NINL: variants seen among roughly 807,000 people sequenced by gnomAD.
NINL encodes the protein ninein like.
In NINL, 153 loss-of-function variants were observed where a neutral mutation model predicts 160.3. The ratio of observed to expected loss-of-function variants is 0.95; its 90% CI spans 0.84 to 1.09. The LOEUF is 1.09. Among genes scored for constraint, NINL ranks in the 50% least tolerant of loss-of-function variants. NINL has a pLI of 0.00. For missense variants in NINL, 1,829 were observed against 1,764.0 expected, an observed-to-expected ratio of 1.04 and a Z score of -0.66; for synonymous variants, 800 against 734.8, an observed-to-expected ratio of 1.09 and a Z score of -1.43.
chr20:25,498,138 G>C, intron 9 of NINL, 72 bp downstream of exon 9: 1 of 1,571,076 alleles, frequency 6.4e-7, no homozygotes, highest in Middle Eastern at 2.3e-4. Flanking sequence ...TGTCCTTTGT[G>C]TCCCAGACCC....
chr20:25,512,783 T>C, intron 4 of NINL, 51 bp downstream of exon 4: 2 of 1,536,790 alleles, frequency 1.3e-6, no homozygotes, highest in Non-Finnish European at 1.8e-6. Context: ...AAGGGAAGCA[T>C]TTGTTATTCC....
intron 1 of NINL, among the ~76,000 whole-genome samples, chr20:25,564,960 A>G (rs2147148769): frequency 6.6e-6 from 1 of 152,330 alleles, no homozygotes; most frequent in East Asian, 1.9e-4. Context: ...AATAACTGGT[A>G]AAAACACATG....
At chr20:25,542,087 G>A (rs529074857) in intron 1 of NINL, among the ~76,000 whole-genome samples, 26 of 152,238 alleles carry the variant, frequency 1.7e-4, no homozygotes, top group Admixed American at 1.1e-3. Context: ...CTCCTGGGGT[G>A]TCTGGCTGGT....
intron 12 of NINL, 142 bp from the exon 13 acceptor site, chr20:25,489,466 T>A: frequency 1.5e-6 from 1 of 688,106 alleles, no homozygotes; most frequent in South Asian, 1.6e-5. Context: ...CCATCCCCCC[T>A]CCTTCTCCTT....
rs373855398 is a variant in NINL, at chr20:25,479,126, C to A, written c.1998G>T (p.Arg666Ser). Reference protein sequence around the residue: ...KERKDMEQARRREVSVLEGQK... With the variant: ...KERKDMEQARSREVSVLEGQK... ...GACCCTCCAGCACGCTGACCTCGCG[C>A]CTGCGAGCCTGCTCCATGTCCTTCC... The change falls in exon 16 of 24, where the codon AGG (arginine) becomes AGT (serine). Residue 666 changes from arginine to serine, a missense_variant. Coordinates refer to ENST00000278886, the MANE Select transcript of NINL (RefSeq NM_025176.6). 1.9e-6 allele frequency: 3 copies of A among 1,613,934 alleles called. No individual in the cohort carries two copies. Among genetic ancestry groups the A allele is most frequent in the Non-Finnish European group, 2.5e-6 (3 of 1,180,022 alleles).
intron 1 of NINL, among the ~76,000 whole-genome samples, chr20:25,544,294 G>C (rs890984347): frequency 1.5e-4 from 23 of 152,234 alleles, no homozygotes; most frequent in African/African-American, 5.3e-4. Flanking sequence ...AGGTGCACAG[G>C]ACTGATGGGC....
intron 1 of NINL, among the ~76,000 whole-genome samples, chr20:25,528,889 A>G (rs1028328609): frequency 3.9e-5 from 6 of 152,260 alleles, no homozygotes; most frequent in Admixed American, 3.9e-4. Context: ...GAAACAATGA[A>G]GCAACATCTC....
At chr20:25,577,169 G>A (rs1382953801) in intron 1 of NINL, among the ~76,000 whole-genome samples, 10 of 152,194 alleles carry the variant, frequency 6.6e-5, no homozygotes, top group Admixed American at 1.3e-4. Flanking sequence ...CAGTGACAAC[G>A]TTGCCTGAAG....
chr20:25,517,071 G>A (rs779656977), intron 3 of NINL, among the ~76,000 whole-genome samples: 5 of 151,854 alleles, frequency 3.3e-5, no homozygotes, highest in Non-Finnish European at 7.4e-5. Context: ...AATGCCATAC[G>A]CTCACACAGA....
rs760131174 is a variant in NINL, at chr20:25,553,103, G to GTTTTTTTT, written c.-11-26506_-11-26505insAAAAAAAA. Among the ~76,000 whole-genome samples, 64 of 58,018 alleles carry GTTTTTTTT rather than the reference G, an allele frequency of 1.1e-3. 3 individuals carry two copies. Among genetic ancestry groups the GTTTTTTTT allele is most frequent in the South Asian group, 3.3e-3 (7 of 2,146 alleles). 38.1% of individuals were successfully genotyped at this position (58,018 alleles called of 152,430 possible). A position where few individuals can be genotyped will look rare whatever the true frequency, so the allele number is the denominator to read the frequency against. On this transcript the variant is annotated intron_variant, in intron 1 of 23. Transcript: ENST00000278886. ...TGGAAGTTACTTCTCACCCTTGTTG[G>GTTTTTTTT]GTTTTTTTTTTTTTTTTTGGAGATG...
At position 25,499,902 on chromosome 20, in the gene NINL, G is replaced by A. The variant is rs2063832446; in HGVS notation, c.1032+938C>T. Among the ~76,000 whole-genome samples, 7 of 145,230 alleles carry A rather than the reference G, an allele frequency of 4.8e-5. 1 individual carries two copies. The South Asian group carries it at 1.5e-3, about 31-fold the overall frequency. ...CAGATTTATCATAGGAAAAGCGAAG[G>A]GTCGCACAAATTAGCAAGACAAACA... is the stretch of plus-strand genomic sequence containing the variant. On this transcript the variant is annotated intron_variant, in intron 8 of 23. Coordinates refer to ENST00000278886, the MANE Select transcript of NINL (RefSeq NM_025176.6).
At chr20:25,536,987 T>A (rs903285298) in intron 1 of NINL, among the ~76,000 whole-genome samples, 1 of 152,136 alleles carries the variant, frequency 6.6e-6, no homozygotes, top group Non-Finnish European at 1.5e-5. Flanking sequence ...TCAGGAGAAA[T>A]ATCTAAGACT....
intron 13 of NINL, among the ~76,000 whole-genome samples, chr20:25,485,212 C>T (rs1365577769): frequency 1.3e-5 from 2 of 152,184 alleles, no homozygotes; most frequent in Admixed American, 1.3e-4. Context: ...CATGTTGCTT[C>T]GATGGCAGTT....
rs768861385 is a variant in NINL, at chr20:25,491,465, C to T, written c.1371G>A (p.Glu457=). ...GGGCCTGCTCCCAGAACAGCTCTCGCTCCGCCTCCACCTCAGACCGCAGGA... is the reference window on the plus strand; with the variant it reads ...GGGCCTGCTCCCAGAACAGCTCTCGTTCCGCCTCCACCTCAGACCGCAGGA... ...LSLLRSEVEA[E]RELFWEQAHR... is the part of the protein sequence containing the mutation. Residue 457 remains glutamate (E), a synonymous_variant, in exon 11 of 24, where the codon GAG becomes GAA. Coordinates refer to ENST00000278886, the MANE Select transcript of NINL (RefSeq NM_025176.6). 1.9e-6 allele frequency: 3 copies of T among 1,613,966 alleles called. No homozygotes were observed. Among genetic ancestry groups the T allele is most frequent in the African/African-American group, 2.7e-5 (2 of 74,952 alleles).
In NINL at chr20:25,577,028, G is replaced by A. The variant is rs1271306367; in HGVS notation, c.-12+8427C>T. On this transcript the variant is annotated intron_variant, in intron 1 of 23. Transcript: ENST00000278886. ...GCTTGACACAGTTTCCTGAGGAACC[G>A]TACCAGAAATCAGTACAGGCCATTA... Among the ~76,000 whole-genome samples the A allele has an allele frequency of 2.6e-5, 4 of 152,150 alleles. No homozygotes were observed. In the East Asian group the frequency reaches 5.8e-4, roughly 22 times the overall value.
At chr20:25,460,821 A>G (rs968008885) in intron 21 of NINL, among the ~76,000 whole-genome samples, 39 of 152,124 alleles carry the variant, frequency 2.6e-4, no homozygotes, top group African/African-American at 9.4e-4. Context: ...AGGTGGGGAG[A>G]GACCCTTTCC....
chr20:25,531,391 TTAAAG>T (rs1465596461), intron 1 of NINL, among the ~76,000 whole-genome samples: 2 of 152,140 alleles, frequency 1.3e-5, no homozygotes, highest in South Asian at 2.1e-4. Flanking sequence ...GATTAAGAGA[TTAAAG>T]TAAAGACAGG....
chr20:25,546,906 G>T (rs2064740386), intron 1 of NINL, among the ~76,000 whole-genome samples: 1 of 152,164 alleles, frequency 6.6e-6, no homozygotes. Context: ...GTCTCATCAA[G>T]AAGTTGGCGT....
intron 17 of NINL, among the ~76,000 whole-genome samples, chr20:25,470,998 C>G (rs1218239304): frequency 1.3e-5 from 2 of 152,146 alleles, no homozygotes; most frequent in East Asian, 1.9e-4. Flanking sequence ...GCCACATGAT[C>G]TCACCATGTT....
Sources: gnomAD v4.1 joint callset for allele counts (sites outside exome capture counted in the v4.1 genomes callset) on GRCh38, gnomAD v4.1.1 for gene constraint, MANE v1.5 for transcripts, NCBI Gene and HGNC (gene_info 2026-07-23, HGNC 2026-07-21) for gene names.